Variants in LPCAT1 observed in about 807,000 individuals in gnomAD.
LPCAT1 encodes the protein 1-acylglycerol-3-phosphate O-acyltransferase.
LPCAT1 carries 23 observed loss-of-function variants against 60.9 expected under a neutral mutation model. The observed-to-expected ratio is 0.38, with a 90% confidence interval of 0.27 to 0.53. LPCAT1 has a LOEUF of 0.53. LPCAT1 is among the 20% of genes least tolerant of loss of function. The probability of loss-of-function intolerance (pLI) is 0.82; values close to 1 mark genes in which losing one functional copy is unlikely to be tolerated. For synonymous variants in LPCAT1, 340 were observed against 301.1 expected, an observed-to-expected ratio of 1.13 and a Z score of -1.34; for missense variants, 622 against 723.6, an observed-to-expected ratio of 0.86 and a Z score of 1.61.
At chr5:1,466,242 C>T (rs567036567) in intron 13 of LPCAT1, among the ~76,000 whole-genome samples, 4 of 152,338 alleles carry the variant, frequency 2.6e-5, no homozygotes, top group Non-Finnish European at 4.4e-5. Context: ...CTGGAATCAG[C>T]CGTGTTACCA....
At chr5:1,504,843 C>T (rs1210276085) in intron 1 of LPCAT1, among the ~76,000 whole-genome samples, 2 of 152,214 alleles carry the variant, frequency 1.3e-5, no homozygotes, top group Non-Finnish European at 2.9e-5. Context: ...AAGAGAAAGT[C>T]TCAGGAAGTT....
chr5:1,461,905 T>C lies in LPCAT1; in HGVS notation c.*1746A>G, dbSNP rs1416270034. 2 of 152,602 alleles carry C rather than the reference T, an allele frequency of 1.3e-5. No homozygotes were observed. Among genetic ancestry groups the C allele is most frequent in the South Asian group, 2.1e-4 (1 of 4,834 alleles). The allele number at this position is 152,602 out of a possible 1,614,324, so 9.5% of individuals were successfully genotyped here. A position where few individuals can be genotyped will look rare whatever the true frequency, so the allele number is the denominator to read the frequency against. ...TGAATCTTTACGCATTCTCCAATTA[T>C]AAAATCAGTGACTGTTAGCTACCAA... On this transcript the variant is annotated 3_prime_UTR_variant, in exon 14 of 14. Transcript: ENST00000283415.
chr5:1,475,461 C>T (rs755073037), intron 9 of LPCAT1, among the ~76,000 whole-genome samples: 17 of 152,224 alleles, frequency 1.1e-4, no homozygotes, highest in Non-Finnish European at 2.4e-4. Context: ...CCTGATGGCC[C>T]GTCCTGGGTG....
intron 1 of LPCAT1, among the ~76,000 whole-genome samples, chr5:1,503,632 G>A (rs919812135): frequency 8.5e-5 from 13 of 152,174 alleles, no homozygotes; most frequent in Admixed American, 6.5e-4. Context: ...TCCTCCCAGC[G>A]GCTTCCTCGT....
At position 1,523,744 on chromosome 5, in the gene LPCAT1, T is replaced by C. The variant is rs1180169270; in HGVS notation, c.101A>G (p.His34Arg). 2 of 1,175,752 alleles carry C rather than the reference T, an allele frequency of 1.7e-6. No individual in the cohort carries two copies. The highest frequency in any genetic ancestry group is 2.3e-5 in the South Asian group (1 of 43,916). 72.8% of individuals were successfully genotyped at this position (1,175,752 alleles called of 1,614,324 possible). A position where few individuals can be genotyped will look rare whatever the true frequency, so the allele number is the denominator to read the frequency against. Residue 34 changes from histidine to arginine, a missense_variant, in exon 1 of 14, where the codon CAC becomes CGC. Physicochemically the swap from His to Arg is conservative, Grantham distance 29. Around this residue, in one of 3 missense-constraint regions of LPCAT1, gnomAD observed 125 missense variants for 114.5 expected, o/e 1.09. Transcript: ENST00000283415. The surrounding 1 kb of genome is among the most constrained non-coding windows in gnomAD (Gnocchi z 7.1). ...LAPPGRNPFV[H>R]ELRLSALQKA... ...CTGCAGGGCGCTGAGGCGCAGCTCG[T>C]GCACGAAGGGGTTCCGCCCCGGGGG...
At chr5:1,509,788 C>A (rs1422393010) in intron 1 of LPCAT1, among the ~76,000 whole-genome samples, 1 of 152,198 alleles carries the variant, frequency 6.6e-6, no homozygotes, top group Admixed American at 6.5e-5. Context: ...GTTAACGATA[C>A]TAAAAGCAGA....
intron 13 of LPCAT1, among the ~76,000 whole-genome samples, chr5:1,465,194 C>A (rs951825996): frequency 6.9e-6 from 1 of 145,236 alleles, no homozygotes; most frequent in Non-Finnish European, 1.5e-5. Context: ...CGCACGCGCA[C>A]ACAGTAACTA....
chr5:1,494,985 G>A (rs1735731823), intron 2 of LPCAT1, 71 bp from the exon 3 acceptor site: 24 of 1,398,738 alleles, frequency 1.7e-5, no homozygotes, highest in South Asian at 3.9e-5. Flanking sequence ...GCACAGGGGC[G>A]GTCCCACGGG....
chr5:1,463,982 G>T, intron 13 of LPCAT1, 147 bp from the exon 14 acceptor site: 2 of 821,992 alleles, frequency 2.4e-6, no homozygotes, highest in Non-Finnish European at 3.9e-6. Flanking sequence ...TGCTTTCAGG[G>T]TGGAGAGAAG....
At position 1,502,554 on chromosome 5, in the gene LPCAT1, G is replaced by A. The variant is rs1736056624; in HGVS notation, c.136-951C>T. 6.6e-6 allele frequency among the ~76,000 whole-genome samples: 1 copy of A among 152,166 alleles called. No individual in the cohort carries two copies. The highest frequency in any genetic ancestry group is 2.1e-4 in the South Asian group (1 of 4,820). ...CCCCCAAGCCAGGGCAGGCCCCCAC[G>A]CCAGGGAAGGCCGAGGCTGCGGGAT... On this transcript the variant is annotated intron_variant, in intron 1 of 13. Coordinates refer to ENST00000283415, the MANE Select transcript of LPCAT1 (RefSeq NM_024830.5). This position sits in a 1 kb window ranked among gnomAD's most constrained non-coding sequence, Gnocchi z 5.5.
intron 1 of LPCAT1, among the ~76,000 whole-genome samples, chr5:1,518,583 GC>G (rs1302494853): frequency 6.6e-6 from 1 of 152,168 alleles, no homozygotes; most frequent in Non-Finnish European, 1.5e-5. Context: ...CTCATGATCC[GC>G]CCGCCTCGGC....
intron 5 of LPCAT1, among the ~76,000 whole-genome samples, chr5:1,484,028 A>C (rs1249953209): frequency 6.6e-6 from 1 of 152,244 alleles, no homozygotes; most frequent in Non-Finnish European, 1.5e-5. Flanking sequence ...GCCCTCACCA[A>C]GCACATACAC....
intron 11 of LPCAT1, among the ~76,000 whole-genome samples, chr5:1,472,694 G>A (rs930703524): frequency 2.6e-5 from 4 of 151,668 alleles, no homozygotes; most frequent in Non-Finnish European, 4.4e-5. Context: ...GTGGTAAAGC[G>A]CCTGAGTGCA....
intron 2 of LPCAT1, among the ~76,000 whole-genome samples, chr5:1,498,187 T>C (rs1355055531): frequency 6.6e-6 from 1 of 152,216 alleles, no homozygotes; most frequent in African/African-American, 2.4e-5. Flanking sequence ...ACTACGTAAT[T>C]ATTATTCAGC....
chr5:1,489,166 G>C (rs918226294), intron 4 of LPCAT1, among the ~76,000 whole-genome samples: 5 of 152,350 alleles, frequency 3.3e-5, no homozygotes, highest in African/African-American at 1.2e-4. Context: ...CAGAGCTGGG[G>C]CACCCTGGAA....
Position 1,470,807 on chromosome 5 carries a change from A to C in LPCAT1, c.1278+19T>G. 1.9e-6 allele frequency: 3 copies of C among 1,608,398 alleles called. No individual in the cohort carries two copies. Among genetic ancestry groups the C allele is most frequent in the Non-Finnish European group, 2.6e-6 (3 of 1,175,890 alleles). On this transcript the variant is annotated intron_variant, in intron 12 of 13. Transcript: ENST00000283415. Reference sequence around the variant, plus strand: ...ACCGCCCTGTCCCCCAGTCAAACCCATGTGAACTCTGCACTCACCTTGAAA... The same window carrying C: ...ACCGCCCTGTCCCCCAGTCAAACCCCTGTGAACTCTGCACTCACCTTGAAA...
At chr5:1,472,825 G>A (rs560119559) in intron 11 of LPCAT1, among the ~76,000 whole-genome samples, 2 of 152,018 alleles carry the variant, frequency 1.3e-5, no homozygotes, top group African/African-American at 2.4e-5. Context: ...GGCAGGACTC[G>A]CATCCGAGAC....
At chr5:1,501,725 G>A (rs754167386) in intron 1 of LPCAT1, 122 bp from the exon 2 acceptor site, 9 of 1,002,916 alleles carry the variant, frequency 9.0e-6, no homozygotes, top group Non-Finnish European at 1.4e-5. Context: ...GGGAGGGGCT[G>A]CAGCTGGCAC....
chr5:1,497,374 AGGCGCAGGCCCC>A (rs913846198), intron 2 of LPCAT1, among the ~76,000 whole-genome samples: 45 of 152,374 alleles, frequency 3.0e-4, no homozygotes, highest in Middle Eastern at 3.4e-3. Flanking sequence ...CGTGAGGGGC[AGGCGCAGGCCCC>A]GGCTCTGCAG....
Sources: gnomAD v4.1 joint callset for allele counts (sites outside exome capture counted in the v4.1 genomes callset) on GRCh38, gnomAD v4.1.1 for gene constraint, gnomAD v4.1.1 regional missense constraint, Gnocchi (gnomAD v3.1) non-coding constraint, MANE v1.5 for transcripts, NCBI Gene and HGNC (gene_info 2026-07-23, HGNC 2026-07-21) for gene names.